Variants in ASIC2 observed in about 807,000 individuals in gnomAD.
ASIC2 encodes acid sensing ion channel subunit 2, also known as acid-sensing ion channel 2.
ASIC2 carries 25 observed loss-of-function variants against 57.3 expected under a neutral mutation model. That is an observed-to-expected ratio of 0.44 (90% CI 0.32 to 0.61). The LOEUF (loss-of-function observed/expected upper bound fraction) is 0.61. Ranked by LOEUF, ASIC2 falls within the 20% of genes least tolerant of loss-of-function variation. ASIC2 has a pLI of 0.06. For missense variants in ASIC2, 641 were observed against 738.1 expected (o/e 0.87, Z 1.52); for synonymous variants, 319 against 307.5 (o/e 1.04, Z -0.39).
intron 1 of ASIC2, among the ~76,000 whole-genome samples, chr17:33,238,704 C>A (rs1908388829): frequency 6.6e-6 from 1 of 152,194 alleles, no homozygotes; most frequent in African/African-American, 2.4e-5. Flanking sequence ...ACGGCTCCCC[C>A]AACCAATATC....
intron 1 of ASIC2, among the ~76,000 whole-genome samples, chr17:33,633,526 C>T (rs1344315446): frequency 2.0e-5 from 3 of 152,214 alleles, no homozygotes; most frequent in Non-Finnish European, 4.4e-5. Context: ...CTGGAGTTGA[C>T]ATGCCCAGGG....
chr17:33,764,337 T>A (rs1353711369), intron 1 of ASIC2, among the ~76,000 whole-genome samples: 1 of 150,938 alleles, frequency 6.6e-6, no homozygotes, highest in Non-Finnish European at 1.5e-5. Context: ...AAAAAAGGCT[T>A]TGATTTCAGA....
chr17:34,069,779 G>A (rs1306318289), intron 1 of ASIC2: 1 of 152,200 alleles, frequency 6.6e-6, no homozygotes, highest in East Asian at 1.9e-4. Context: ...AACATAGCAG[G>A]TGTTCAGGCA....
chr17:33,867,425 A>C (rs538428128), intron 1 of ASIC2, among the ~76,000 whole-genome samples: 1 of 152,222 alleles, frequency 6.6e-6, no homozygotes, highest in South Asian at 2.1e-4. Flanking sequence ...TGTAAGGCTC[A>C]AAGAGAATAA....
chr17:34,084,531 T>C (rs1910022808), intron 1 of ASIC2, among the ~76,000 whole-genome samples: 1 of 152,236 alleles, frequency 6.6e-6, no homozygotes, highest in Non-Finnish European at 1.5e-5. Context: ...GTGGGCTCTT[T>C]TTTGGTTCCA....
intron 1 of ASIC2, among the ~76,000 whole-genome samples, chr17:33,393,394 C>A (rs936536003): frequency 2.6e-5 from 4 of 152,026 alleles, no homozygotes; most frequent in Non-Finnish European, 4.4e-5. Context: ...TTCCTTCTCC[C>A]GCCCACATAT....
intron 2 of ASIC2, among the ~76,000 whole-genome samples, chr17:33,099,204 A>T (rs2092199795): frequency 6.6e-6 from 1 of 151,596 alleles, no homozygotes; most frequent in Non-Finnish European, 1.5e-5. Context: ...TTTAGTGGAG[A>T]CGGGGTTTCT....
At chr17:33,432,406 C>A (rs990045319) in intron 1 of ASIC2, among the ~76,000 whole-genome samples, 1 of 152,110 alleles carries the variant, frequency 6.6e-6, no homozygotes, top group African/African-American at 2.4e-5. Flanking sequence ...GTCCCAGCTA[C>A]TCGGGAGACT....
intron 2 of ASIC2, among the ~76,000 whole-genome samples, chr17:33,100,733 T>C (rs1457028388): frequency 6.6e-6 from 1 of 152,224 alleles, no homozygotes; most frequent in Admixed American, 6.5e-5. Flanking sequence ...TCTGTATCAC[T>C]GAGGTGCCTG....
At chr17:33,917,963 G>GCGCA (rs1266821406) in intron 1 of ASIC2, among the ~76,000 whole-genome samples, 5 of 138,460 alleles carry the variant, frequency 3.6e-5, no homozygotes, top group Non-Finnish European at 3.1e-5. Flanking sequence ...ACGTGCATGT[G>GCGCA]CACACACACA....
At chr17:33,576,654 C>A (rs1391779543) in intron 1 of ASIC2, among the ~76,000 whole-genome samples, 1 of 152,152 alleles carries the variant, frequency 6.6e-6, no homozygotes, top group African/African-American at 2.4e-5. Context: ...CAAGTGAGCA[C>A]TTAATAAGAA....
At chr17:33,300,669 G>A (rs986903597) in intron 1 of ASIC2, among the ~76,000 whole-genome samples, 2 of 152,188 alleles carry the variant, frequency 1.3e-5, no homozygotes, top group African/African-American at 2.4e-5. Context: ...AATGTCCTAA[G>A]CACACAGCTC....
At chr17:33,366,765 T>C (rs1414630354) in intron 1 of ASIC2, among the ~76,000 whole-genome samples, 1 of 152,162 alleles carries the variant, frequency 6.6e-6, no homozygotes, top group Non-Finnish European at 1.5e-5. Flanking sequence ...ATAATTTTTT[T>C]AAAAAAGGAA....
chr17:33,369,685 T>G (rs1034022274), intron 1 of ASIC2, among the ~76,000 whole-genome samples: 2 of 152,144 alleles, frequency 1.3e-5, no homozygotes, highest in African/African-American at 4.8e-5. Flanking sequence ...GCAGTGGGAC[T>G]ATATAACTCC....
At chr17:33,551,610 C>T (rs1915754494) in intron 1 of ASIC2, among the ~76,000 whole-genome samples, 1 of 152,178 alleles carries the variant, frequency 6.6e-6, no homozygotes, top group Non-Finnish European at 1.5e-5. Flanking sequence ...ATGCTCTTCT[C>T]CTTGTGAATA....
chr17:33,501,299 T>C (rs1914094551), intron 1 of ASIC2, among the ~76,000 whole-genome samples: 1 of 152,254 alleles, frequency 6.6e-6, no homozygotes, highest in African/African-American at 2.4e-5. Flanking sequence ...AGCTCCATGC[T>C]GTTCTTGATC....
At chr17:33,464,543 TTTCTTTCTTTCTTTCTTTCTTTTCTCTC>T in intron 1 of ASIC2, among the ~76,000 whole-genome samples, 1 of 108,922 alleles carries the variant, frequency 9.2e-6, no homozygotes, top group Non-Finnish European at 1.9e-5. Context: ...TTTCTTTCTC[TTTCTTTCTTTCTTTCTTTCTTTTCTCTC>T]TTTCTCTCTT....
At chr17:33,228,546 AAT>A (rs1453123254) in intron 1 of ASIC2, among the ~76,000 whole-genome samples, 9 of 152,234 alleles carry the variant, frequency 5.9e-5, no homozygotes, top group African/African-American at 2.2e-4. Context: ...ATAGCCACAC[AAT>A]ATGTCTCCCA....
At chr17:33,594,959 G>A (rs1224156450) in intron 1 of ASIC2, among the ~76,000 whole-genome samples, 2 of 152,094 alleles carry the variant, frequency 1.3e-5, no homozygotes, top group African/African-American at 2.4e-5. Flanking sequence ...AGTGGCTCAT[G>A]CCTGTAATTC....
Sources: allele counts gnomAD v4.1 joint callset (sites outside exome capture counted in the v4.1 genomes callset), GRCh38; gene constraint gnomAD v4.1.1; transcripts MANE v1.5; gene names NCBI Gene and HGNC (gene_info 2026-07-23, HGNC 2026-07-21).